Variants in TNC observed in about 807,000 individuals in gnomAD.
TNC encodes tenascin.
A neutral mutation model predicts 202.4 loss-of-function variants in TNC; 109 were observed. That is an observed-to-expected ratio of 0.54 (90% CI 0.46 to 0.63). The LOEUF (loss-of-function observed/expected upper bound fraction) is 0.63, where lower values mean the gene tolerates loss of function less well. TNC is among the 30% of genes least tolerant of loss of function. The probability of loss-of-function intolerance (pLI) is 0.00; values close to 1 mark genes in which losing one functional copy is unlikely to be tolerated. For missense variants in TNC, 2,756 were observed against 2,833.3 expected, an observed-to-expected ratio of 0.97 and a Z score of 0.62; for synonymous variants, 1,007 against 1,089.7, an observed-to-expected ratio of 0.92 and a Z score of 1.50.
At position 115,041,085 on chromosome 9, in the gene TNC, C is replaced by G; in HGVS notation, c.5249-1G>C. 6.2e-7 allele frequency: 1 copy of G among 1,609,758 alleles called. No homozygotes were observed. The highest frequency in any genetic ancestry group is 8.5e-7 in the Non-Finnish European group (1 of 1,177,764). ...TCCACAGTTACCATGGAGGGTGTAC[C>G]TGGAACACAGTAAAAGCAAGATGAG... On this transcript the variant is annotated splice_acceptor_variant, in intron 18 of 27. Transcript: ENST00000350763. LOFTEE classifies it high-confidence loss of function.
Position 115,030,147 on chromosome 9 carries a change from G to T in TNC, c.6072+107C>A, listed in dbSNP as rs13286441. On this transcript the variant is annotated intron_variant, in intron 24 of 27. Coordinates refer to ENST00000350763, the MANE Select transcript of TNC (RefSeq NM_002160.4). ...ACTATCTTGCAAGGCCTCACACATGGGGGTGTCAGAGTGCATCAGGAGGAG... is the reference window on the plus strand; with the variant it reads ...ACTATCTTGCAAGGCCTCACACATGTGGGTGTCAGAGTGCATCAGGAGGAG... 0.4 allele frequency: 472,868 copies of T among 1,168,786 alleles called. 97,657 individuals are homozygous for T. Among genetic ancestry groups the T allele is most frequent in the Middle Eastern group, 0.45 (1,690 of 3,780 alleles). The allele number at this position is 1,168,786 out of a possible 1,614,324, so 72.4% of individuals were successfully genotyped here.
intron 10 of TNC, among the ~76,000 whole-genome samples, chr9:115,072,214 G>A (rs11791562): frequency 0.15 from 23,516 of 152,190 alleles, 1,950 homozygotes; most frequent in Non-Finnish European, 0.18. Flanking sequence ...TCCTCTTTGG[G>A]AGTTTTGGTT....
intron 23 of TNC, 104 bp downstream of exon 23, chr9:115,031,449 A>G: frequency 7.8e-7 from 1 of 1,282,076 alleles, no homozygotes; most frequent in Non-Finnish European, 1.0e-6. Context: ...GATTCTTTTC[A>G]GAGGTTTGTT....
At position 115,029,039 on chromosome 9, in the gene TNC, A is replaced by C. The variant is rs7857539; in HGVS notation, c.6169+321T>G. Among the ~76,000 whole-genome samples, 864 of 148,882 alleles carry C rather than the reference A, an allele frequency of 5.8e-3. 11 individuals carry two copies. The highest frequency in any genetic ancestry group is 0.02 in the African/African-American group (819 of 40,592). On this transcript the variant is annotated intron_variant, in intron 25 of 27. Transcript: ENST00000350763. ...AAACTCTTAATATTATCTCTGGAAA[A>C]AAAAAAAAAAAAAAAAGGCATGGAC... is the stretch of plus-strand genomic sequence containing the variant.
At chr9:115,052,887 G>A (rs903022449) in intron 15 of TNC, 1 of 702,724 alleles carries the variant, frequency 1.4e-6, no homozygotes, top group African/African-American at 1.7e-5. Context: ...TGGGACTCAT[G>A]CAGTGAGTGA....
Position 115,046,684 on chromosome 9 carries a change from T to C in TNC, c.4853-2A>G. The C allele has an allele frequency of 1.9e-6, 3 of 1,611,742 alleles. No individual in the cohort carries two copies. The highest frequency in any genetic ancestry group is 2.5e-6 in the Non-Finnish European group (3 of 1,179,176). ...GGTTGTCAACTTCCGGTTCGGCTTC[T>C]AGAGGGAGAGAAAATGGTGGGAGAA... On this transcript the variant is annotated splice_acceptor_variant, in intron 16 of 27. Transcript: ENST00000350763. LOFTEE classifies it high-confidence loss of function.
chr9:115,021,283 A>AAGAG lies in TNC; in HGVS notation c.6496-20_6496-17dup, dbSNP rs766737426. Reference sequence around the variant, plus strand: ...AGTTAACGCCCTGTTAAAAAAAAAAAAGAGAGAGAGAGAGAGAGAGAGAAG... The same window carrying AAGAG: ...AGTTAACGCCCTGTTAAAAAAAAAAAAGAGAGAGAGAGAGAGAGAGAGAGAGAAG... On this transcript the variant is annotated splice_polypyrimidine_tract_variant and intron_variant, in intron 27 of 27. Coordinates refer to ENST00000350763, the MANE Select transcript of TNC (RefSeq NM_002160.4). 133 of 1,102,038 alleles carry AAGAG rather than the reference A, an allele frequency of 1.2e-4. No homozygotes were observed. The highest frequency in any genetic ancestry group is 3.9e-4 in the African/African-American group (25 of 64,154). 68.3% of individuals were successfully genotyped at this position (1,102,038 alleles called of 1,614,324 possible).
chr9:115,029,399 C>T lies in TNC; in HGVS notation c.6130G>A (p.Ala2044Thr). The change falls in exon 25 of 28, where the codon GCT becomes ACT. Residue 2044 changes from alanine (A) to threonine (T), a missense_variant. Coordinates refer to ENST00000350763, the MANE Select transcript of TNC (RefSeq NM_002160.4). ...ENFYQNWKAY[A>T]AGFGDRREEF... ...TCTCTGCGGTCCCCAAATCCAGCAG[C>T]ATATGCCTTCCAGTTTTGGTAGAAG... 6.2e-7 allele frequency: 1 copy of T among 1,614,146 alleles called. No homozygotes were observed. The highest frequency in any genetic ancestry group is 8.5e-7 in the Non-Finnish European group (1 of 1,180,008).
chr9:115,114,304 A>G (rs1462180098), intron 1 of TNC, among the ~76,000 whole-genome samples: 1 of 152,202 alleles, frequency 6.6e-6, no homozygotes, highest in Non-Finnish European at 1.5e-5. Context: ...TTTGTGGCTC[A>G]ATTTGTGGCT....
intron 6 of TNC, among the ~76,000 whole-genome samples, chr9:115,080,077 A>G (rs1834187747): frequency 6.6e-6 from 1 of 152,242 alleles, no homozygotes; most frequent in Non-Finnish European, 1.5e-5. Flanking sequence ...CCTGGCCAAC[A>G]TGGTGAAATC....
chr9:115,023,929 G>C (rs539206758), intron 27 of TNC, 44 bp downstream of exon 27: 1 of 1,591,000 alleles, frequency 6.3e-7, no homozygotes, highest in African/African-American at 1.3e-5. Flanking sequence ...GCCCCCTCCA[G>C]CTTCCCAAGC....
chr9:115,086,481 C>T lies in TNC; in HGVS notation c.1250G>A (p.Arg417His), dbSNP rs141624690. 1.4e-5 allele frequency: 23 copies of T among 1,613,738 alleles called. No individual in the cohort carries two copies. The highest frequency in any genetic ancestry group is 8.3e-5 in the Admixed American group (5 of 60,008). Residue 417 changes from arginine (R) to histidine (H), a missense_variant, in exon 3 of 28, where the codon CGC becomes CAC. Physicochemically the swap from Arg to His is conservative, Grantham distance 29. Coordinates refer to ENST00000350763, the MANE Select transcript of TNC (RefSeq NM_002160.4). The stretch of plus-strand genomic sequence containing the variant: ...ACACACACACTGCCCATTGACACAG[C>T]GGCCATGGCCACTGCAGCCATTGGG... ...KCPNGCSGHGRCVNGQCVCDE... is the reference protein window; with the variant it reads ...KCPNGCSGHGHCVNGQCVCDE...
At chr9:115,081,681 G>T in intron 6 of TNC, 91 bp downstream of exon 6, 3 of 1,359,832 alleles carry the variant, frequency 2.2e-6, no homozygotes, top group Non-Finnish European at 1.0e-6. Flanking sequence ...AAATGATGTA[G>T]ATGCTATATG....
chr9:115,078,516 G>GTTA (rs888787805), intron 6 of TNC, among the ~76,000 whole-genome samples: 90 of 150,200 alleles, frequency 6.0e-4, no homozygotes, highest in African/African-American at 2.1e-3. Context: ...TTGTTCTTTT[G>GTTA]TTATTATTAT....
Position 115,046,521 on chromosome 9 carries a change from C to A in TNC, c.5014G>T (p.Glu1672Ter). The change falls in exon 17 of 28, where the codon GAA becomes TAA. Residue 1672 changes from glutamate to a stop codon, truncating the protein, a stop_gained. Coordinates refer to ENST00000350763, the MANE Select transcript of TNC (RefSeq NM_002160.4). LOFTEE classifies it high-confidence loss of function. ...EPLEITLLAP[E>*]RTRDITGLRE... The stretch of plus-strand genomic sequence containing the variant: ...AGACCTGTTATGTCCCTGGTACGTT[C>A]GGGGGCAAGTAGGGTTATTTCCAGT... 1 of 1,614,090 alleles carries A rather than the reference C, an allele frequency of 6.2e-7. No homozygotes were observed. Among genetic ancestry groups the A allele is most frequent in the Non-Finnish European group, 8.5e-7 (1 of 1,179,990 alleles).
chr9:115,026,990 TCCC>T (rs942673060), intron 25 of TNC, among the ~76,000 whole-genome samples: 1 of 151,780 alleles, frequency 6.6e-6, no homozygotes, highest in Non-Finnish European at 1.5e-5. Flanking sequence ...GTGCCTGTAG[TCCC>T]AGCTACTTGG....
In TNC at chr9:115,057,532, T is replaced by C. The variant is rs1337489561; in HGVS notation, c.4307-107A>G. On this transcript the variant is annotated intron_variant, in intron 14 of 27. Coordinates refer to ENST00000350763, the MANE Select transcript of TNC (RefSeq NM_002160.4). ...ATAGAACCATTGCTGGGTAGAGAGA[T>C]CTGATAATTCAGGGCTATGATGGAA... 14 of 1,185,276 alleles carry C rather than the reference T, an allele frequency of 1.2e-5. No homozygotes were observed. In the Admixed American group the frequency reaches 3.0e-4, roughly 26 times the overall value. 73.4% of individuals were successfully genotyped at this position (1,185,276 alleles called of 1,614,324 possible).
chr9:115,051,605 A>G (rs1831673701), intron 15 of TNC, among the ~76,000 whole-genome samples: 2 of 150,740 alleles, frequency 1.3e-5, no homozygotes. Flanking sequence ...AAAAGGAGAC[A>G]GGAATTTCAA....
rs148744650 is a variant in TNC at position 115,061,874 on chromosome 9, C to T, written c.4033+1043G>A. Among the ~76,000 whole-genome samples the T allele has an allele frequency of 1.4e-4, 22 of 152,200 alleles. No individual in the cohort carries two copies. The South Asian group carries it at 3.5e-3, about 24-fold the overall frequency. On this transcript the variant is annotated intron_variant, in intron 13 of 27. Transcript: ENST00000350763. ...AATTGAGAGGAATTGTTTTTCCTTC[C>T]CAAATTGAATGAAAAGCATTGAAGT...
Sources: allele counts gnomAD v4.1 joint callset (sites outside exome capture counted in the v4.1 genomes callset), GRCh38; gene constraint gnomAD v4.1.1; transcripts MANE v1.5; gene names NCBI Gene and HGNC (gene_info 2026-07-23, HGNC 2026-07-21).